MCC: variants seen among roughly 807,000 people sequenced by gnomAD.
MCC encodes MCC regulator of Wnt signaling pathway.
A neutral mutation model predicts 116.2 loss-of-function variants in MCC; 90 were observed. The observed-to-expected ratio is 0.77, with a 90% CI of 0.65 to 0.92. MCC has a LOEUF of 0.92. Ranked by LOEUF, MCC falls within the 40% of genes least tolerant of loss-of-function variation. The pLI is 0.00. For synonymous variants in MCC, 578 were observed against 510.5 expected (o/e 1.13, Z -1.78); for missense variants, 1,516 against 1,312.2 (o/e 1.16, Z -2.40).
At chr5:113,401,703 C>A (rs1769691613) in intron 1 of MCC, among the ~76,000 whole-genome samples, 1 of 152,000 alleles carries the variant, frequency 6.6e-6, no homozygotes, top group African/African-American at 2.4e-5. Flanking sequence ...TTGGCCTGGA[C>A]AGAAACCTAA....
At chr5:113,068,624 C>CCCTG (rs1471363619) in intron 12 of MCC, among the ~76,000 whole-genome samples, 2 of 152,206 alleles carry the variant, frequency 1.3e-5, no homozygotes, top group Non-Finnish European at 2.9e-5. Flanking sequence ...TACTAAAAAA[C>CCCTG]CCTGACTTCC....
intron 2 of MCC, among the ~76,000 whole-genome samples, chr5:113,367,157 T>C (rs957236657): frequency 2.6e-5 from 4 of 152,074 alleles, no homozygotes; most frequent in African/African-American, 9.7e-5. Context: ...TATTTAATCA[T>C]GTTAATTGAT....
intron 6 of MCC, among the ~76,000 whole-genome samples, chr5:113,118,321 C>T (rs1757510139): frequency 6.6e-6 from 1 of 152,170 alleles, no homozygotes; most frequent in African/African-American, 2.4e-5. Flanking sequence ...CCTTTATTTT[C>T]TGAACAATGT....
chr5:113,371,979 C>T (rs189184624), intron 2 of MCC, among the ~76,000 whole-genome samples: 4 of 152,284 alleles, frequency 2.6e-5, no homozygotes, highest in South Asian at 2.1e-4. Flanking sequence ...ACTAAAATCA[C>T]GCCAAGTTGT....
chr5:113,182,994 G>T (rs1338451355), intron 3 of MCC, among the ~76,000 whole-genome samples: 1 of 152,234 alleles, frequency 6.6e-6, no homozygotes, highest in East Asian at 1.9e-4. Flanking sequence ...GAAGGCATTT[G>T]AGCTAAGTTT....
At chr5:113,373,778 A>AT (rs1768900979) in intron 2 of MCC, among the ~76,000 whole-genome samples, 1 of 152,252 alleles carries the variant, frequency 6.6e-6, no homozygotes, top group Non-Finnish European at 1.5e-5. Context: ...TATGTTCATA[A>AT]TTTTAAAACA....
intron 5 of MCC, among the ~76,000 whole-genome samples, chr5:113,137,127 G>A (rs1451545586): frequency 2.6e-5 from 4 of 152,174 alleles, no homozygotes; most frequent in African/African-American, 9.6e-5. Context: ...GGCTGGAGAG[G>A]CCTCAGAAAA....
intron 3 of MCC, among the ~76,000 whole-genome samples, chr5:113,300,982 C>T (rs1766847614): frequency 6.6e-6 from 1 of 152,184 alleles, no homozygotes; most frequent in African/African-American, 2.4e-5. Flanking sequence ...CCCTGCATCC[C>T]ATTCATATAG....
chr5:113,429,692 G>C (rs934831703), intron 1 of MCC, among the ~76,000 whole-genome samples: 2 of 152,082 alleles, frequency 1.3e-5, no homozygotes, highest in Admixed American at 6.6e-5. Flanking sequence ...TCAGTTGGTG[G>C]TGTTCTGTTC....
intron 2 of MCC, among the ~76,000 whole-genome samples, chr5:113,371,967 T>G (rs1561541681): frequency 1.3e-5 from 2 of 152,152 alleles, no homozygotes; most frequent in Admixed American, 1.3e-4. Context: ...CCATGAAAAA[T>G]AACTAAAATC....
intron 2 of MCC, among the ~76,000 whole-genome samples, chr5:113,355,309 C>T (rs916281469): frequency 6.6e-6 from 1 of 152,152 alleles, no homozygotes; most frequent in African/African-American, 2.4e-5. Flanking sequence ...AACATTATTT[C>T]TATTACCTTT....
At chr5:113,041,975 C>T (rs542249710) in intron 17 of MCC, among the ~76,000 whole-genome samples, 8 of 152,054 alleles carry the variant, frequency 5.3e-5, no homozygotes, top group Admixed American at 5.2e-4. Flanking sequence ...CCAGCCTGGG[C>T]GACAGAGCGA....
intron 5 of MCC, among the ~76,000 whole-genome samples, chr5:113,140,288 T>C (rs1024135199): frequency 1.1e-4 from 16 of 152,246 alleles, no homozygotes; most frequent in African/African-American, 3.9e-4. Context: ...CCAAGCAAAA[T>C]AGGACTTGCT....
chr5:113,443,573 C>T (rs1054113709), intron 1 of MCC, among the ~76,000 whole-genome samples: 4 of 152,030 alleles, frequency 2.6e-5, no homozygotes, highest in East Asian at 1.9e-4. Flanking sequence ...TGTCTTATGC[C>T]GGTTTTCAAA....
chr5:113,482,503 T>C (rs1772406516), intron 1 of MCC, among the ~76,000 whole-genome samples: 1 of 152,240 alleles, frequency 6.6e-6, no homozygotes, highest in African/African-American at 2.4e-5. Context: ...ATTTCCCTAG[T>C]GGCTAATGAT....
At chr5:113,426,458 C>T (rs1004403357) in intron 1 of MCC, among the ~76,000 whole-genome samples, 3 of 152,180 alleles carry the variant, frequency 2.0e-5, no homozygotes, top group Non-Finnish European at 4.4e-5. Flanking sequence ...TAATAGTATG[C>T]AGCCAACGAA....
At chr5:113,240,769 T>C (rs1294211632) in intron 3 of MCC, among the ~76,000 whole-genome samples, 1 of 152,218 alleles carries the variant, frequency 6.6e-6, no homozygotes, top group South Asian at 2.1e-4. Context: ...GAGGAGCAGA[T>C]GGAGGTCTGC....
chr5:113,075,824 G>A (rs1389518807), intron 11 of MCC, among the ~76,000 whole-genome samples: 5 of 152,124 alleles, frequency 3.3e-5, no homozygotes, highest in South Asian at 2.1e-4. Context: ...CTTTGGGTCC[G>A]CGCCACCTTT....
At chr5:113,255,454 G>C (rs188529485) in intron 3 of MCC, among the ~76,000 whole-genome samples, 2 of 152,268 alleles carry the variant, frequency 1.3e-5, no homozygotes, top group East Asian at 3.9e-4. Flanking sequence ...ATCTACTTAA[G>C]ACTTCGGTTG....
Sources: gnomAD v4.1 joint callset for allele counts (sites outside exome capture counted in the v4.1 genomes callset) on GRCh38, gnomAD v4.1.1 for gene constraint, MANE v1.5 for transcripts, NCBI Gene and HGNC (gene_info 2026-07-23, HGNC 2026-07-21) for gene names.